DOCK4: variants seen among roughly 807,000 people sequenced by gnomAD.
The protein encoded by DOCK4 is dedicator of cytokinesis 4, also known as dedicator of cytokinesis protein 4.
DOCK4 carries 97 observed loss-of-function variants against 268.1 expected under a neutral mutation model. The ratio of observed to expected loss-of-function variants is 0.36; its 90% CI spans 0.31 to 0.43. The LOEUF is 0.43. Ranked by LOEUF, DOCK4 falls within the 20% of genes least tolerant of loss-of-function variation. The pLI is 1.00. For missense variants in DOCK4, 2,145 were observed against 2,455.7 expected, an observed-to-expected ratio of 0.87 and a Z score of 2.67; for synonymous variants, 954 against 887.2, an observed-to-expected ratio of 1.08 and a Z score of -1.34.
rs1794769432 is a variant in DOCK4 at position 111,728,100 on chromosome 7, T to C, written c.*174A>G. On this transcript the variant is annotated 3_prime_UTR_variant, in exon 53 of 53. Coordinates refer to ENST00000428084, the MANE Select transcript of DOCK4 (RefSeq NM_001363540.2). ...CCATACTTCATTTAACATCTGGCGT[T>C]TTAGATCAGCAACTTTTAATATTGT... The C allele has an allele frequency of 6.3e-6, 3 of 477,174 alleles. No individual in the cohort carries two copies. Among genetic ancestry groups the C allele is most frequent in the Admixed American group, 8.4e-5 (2 of 23,896 alleles). 29.6% of individuals were successfully genotyped at this position (477,174 alleles called of 1,614,324 possible). A position where few individuals can be genotyped will look rare whatever the true frequency, so the allele number is the denominator to read the frequency against.
At chr7:112,128,390 C>G (rs1359598320) in intron 1 of DOCK4, among the ~76,000 whole-genome samples, 19 of 152,180 alleles carry the variant, frequency 1.2e-4, no homozygotes, top group Admixed American at 1.2e-3. Flanking sequence ...AGCCCCTCTG[C>G]CAGGCCACCA....
At chr7:112,042,884 A>T (rs1804513625) in intron 1 of DOCK4, among the ~76,000 whole-genome samples, 1 of 152,120 alleles carries the variant, frequency 6.6e-6, no homozygotes, top group Non-Finnish European at 1.5e-5. Flanking sequence ...TCATGGGAGT[A>T]AGTTAGTTAC....
At chr7:111,876,911 G>A in intron 17 of DOCK4, 119 bp downstream of exon 17, 1 of 978,210 alleles carries the variant, frequency 1.0e-6, no homozygotes, top group Non-Finnish European at 1.3e-6. Flanking sequence ...ATCACAAATG[G>A]AAGGATCAAT....
chr7:112,138,550 T>C lies in DOCK4; in HGVS notation c.37+67552A>G, dbSNP rs79227261. On this transcript the variant is annotated intron_variant, in intron 1 of 52. Coordinates refer to ENST00000428084, the MANE Select transcript of DOCK4 (RefSeq NM_001363540.2). ...TTGAGACGAAGTATGAATACCAAAATGACAGAATAGCATACAGGAAGAAGG... is the reference window on the plus strand; with the variant it reads ...TTGAGACGAAGTATGAATACCAAAACGACAGAATAGCATACAGGAAGAAGG... 6.0e-3 allele frequency among the ~76,000 whole-genome samples: 908 copies of C among 152,274 alleles called. 11 individuals are homozygous for C. Among genetic ancestry groups the C allele is most frequent in the African/African-American group, 0.02 (849 of 41,556 alleles).
chr7:111,763,151 T>C (rs1797562233), intron 39 of DOCK4, among the ~76,000 whole-genome samples: 2 of 152,080 alleles, frequency 1.3e-5, no homozygotes, highest in South Asian at 2.1e-4. Context: ...AAAATTATCT[T>C]GGAAATTGAT....
intron 26 of DOCK4, among the ~76,000 whole-genome samples, chr7:111,824,825 G>A (rs1438556755): frequency 6.6e-6 from 1 of 152,202 alleles, no homozygotes; most frequent in Admixed American, 6.5e-5. Context: ...GTGGCAGCAT[G>A]TGACATTGCC....
intron 1 of DOCK4, among the ~76,000 whole-genome samples, chr7:112,101,108 G>A (rs1222814257): frequency 6.6e-6 from 1 of 152,148 alleles, no homozygotes; most frequent in African/African-American, 2.4e-5. Context: ...TTCCACTTTG[G>A]AAACCACTTC....
At chr7:111,903,332 T>TA (rs1451076844) in intron 13 of DOCK4, among the ~76,000 whole-genome samples, 7 of 152,176 alleles carry the variant, frequency 4.6e-5, no homozygotes, top group Non-Finnish European at 8.8e-5. Context: ...AAAGAGTCTA[T>TA]AAAACATACA....
chr7:112,043,003 C>T (rs190235147), intron 1 of DOCK4, among the ~76,000 whole-genome samples: 21 of 152,266 alleles, frequency 1.4e-4, no homozygotes, highest in East Asian at 7.7e-4. Flanking sequence ...CATGTTATAA[C>T]GCAGCATGAG....
intron 11 of DOCK4, 95 bp from the exon 12 acceptor site, chr7:111,935,723 TA>T: frequency 9.4e-7 from 1 of 1,069,430 alleles, no homozygotes; most frequent in East Asian, 2.4e-5. Flanking sequence ...ATAACCACTA[TA>T]ATGTACCTCC....
Position 111,913,541 on chromosome 7 carries a change from C to T in DOCK4, c.1192+2238G>A, listed in dbSNP as rs548429813. The stretch of plus-strand genomic sequence containing the variant: ...TCTCCTGCCTCAGCCTCCCGAGTAG[C>T]TGGGACTACAGGCGCCCGCCACCAC... On this transcript the variant is annotated intron_variant, in intron 13 of 52. Transcript: ENST00000428084. Among the ~76,000 whole-genome samples, 577 of 151,430 alleles carry T rather than the reference C, an allele frequency of 3.8e-3. 2 individuals carry two copies. Among genetic ancestry groups the T allele is most frequent in the Non-Finnish European group, 5.5e-3 (371 of 67,844 alleles).
intron 1 of DOCK4, among the ~76,000 whole-genome samples, chr7:112,158,554 A>G (rs1333040163): frequency 6.6e-6 from 1 of 152,222 alleles, no homozygotes; most frequent in African/African-American, 2.4e-5. Context: ...TACTTACAGT[A>G]TTGCATTTAC....
chr7:112,161,793 T>C (rs1817153761), intron 1 of DOCK4, among the ~76,000 whole-genome samples: 1 of 152,198 alleles, frequency 6.6e-6, no homozygotes, highest in Non-Finnish European at 1.5e-5. Flanking sequence ...TTGGTTAATG[T>C]GGCATAACAA....
intron 7 of DOCK4, among the ~76,000 whole-genome samples, chr7:111,981,058 C>G (rs1234390378): frequency 1.3e-5 from 2 of 152,162 alleles, no homozygotes; most frequent in Non-Finnish European, 2.9e-5. Flanking sequence ...TATCAAGAAA[C>G]TAAAGTGAGA....
At chr7:111,941,053 T>C (rs1795161247) in intron 10 of DOCK4, among the ~76,000 whole-genome samples, 1 of 152,232 alleles carries the variant, frequency 6.6e-6, no homozygotes, top group South Asian at 2.1e-4. Context: ...AAATCCAATG[T>C]TAAGCAGGAA....
chr7:112,038,363 G>A (rs1586696092), intron 1 of DOCK4, among the ~76,000 whole-genome samples: 2 of 152,348 alleles, frequency 1.3e-5, no homozygotes, highest in East Asian at 3.9e-4. Flanking sequence ...TGAGGTCAAA[G>A]TGCTTTTGAA....
chr7:112,046,432 A>C (rs1452159800), intron 1 of DOCK4, among the ~76,000 whole-genome samples: 1 of 152,216 alleles, frequency 6.6e-6, no homozygotes, highest in Non-Finnish European at 1.5e-5. Context: ...GATAAAAAGA[A>C]ATACTTTCCT....
intron 16 of DOCK4, among the ~76,000 whole-genome samples, chr7:111,880,597 C>T (rs1445079034): frequency 6.6e-6 from 1 of 152,116 alleles, no homozygotes. Context: ...ATACTCTTTA[C>T]TTAAGCAGAA....
chr7:112,072,604 C>T (rs1194377975), intron 1 of DOCK4, among the ~76,000 whole-genome samples: 2 of 152,150 alleles, frequency 1.3e-5, no homozygotes, highest in Admixed American at 6.5e-5. Context: ...CCAGAAGAGC[C>T]CCTCACCTGG....
Sources: allele counts gnomAD v4.1 joint callset (sites outside exome capture counted in the v4.1 genomes callset), GRCh38; gene constraint gnomAD v4.1.1; transcripts MANE v1.5; gene names NCBI Gene and HGNC (gene_info 2026-07-23, HGNC 2026-07-21).